Variants in FREM1 observed in about 807,000 individuals in gnomAD.
FREM1 encodes the protein FRAS1 related extracellular matrix 1.
Under a neutral mutation model 210.1 loss-of-function variants are expected in FREM1, and 220 were observed. That is an observed-to-expected ratio of 1.05 (90% confidence interval 0.94 to 1.17). The LOEUF (loss-of-function observed/expected upper bound fraction) is 1.17, where lower values mean the gene tolerates loss of function less well. Ranked by LOEUF, FREM1 falls within the 50% of genes most tolerant of loss-of-function variation. FREM1 has a pLI of 0.00. For synonymous variants in FREM1, 1,189 were observed against 980.2 expected, an observed-to-expected ratio of 1.21 and a Z score of -3.98; for missense variants, 3,454 against 2,675.5, an observed-to-expected ratio of 1.29 and a Z score of -6.42.
At chr9:14,795,548 C>G (rs17311321) in intron 21 of FREM1, among the ~76,000 whole-genome samples, 12 of 152,174 alleles carry the variant, frequency 7.9e-5, no homozygotes, top group African/African-American at 2.9e-4. Context: ...TACTTCCTAT[C>G]CACAGGAGAG....
At chr9:14,895,792 C>A (rs1837610446) in intron 1 of FREM1, among the ~76,000 whole-genome samples, 1 of 151,950 alleles carries the variant, frequency 6.6e-6, no homozygotes, top group African/African-American at 2.4e-5. Flanking sequence ...CTCCTCTCTA[C>A]CCAAATACAA....
At chr9:14,861,371 G>A (rs10961759) in intron 3 of FREM1, among the ~76,000 whole-genome samples, 19,507 of 64,384 alleles carry the variant, frequency 0.3, 4,453 homozygotes, top group East Asian at 0.66. Flanking sequence ...ATATATACAC[G>A]TATATACATA....
At chr9:14,796,866 T>C (rs760782910) in intron 21 of FREM1, among the ~76,000 whole-genome samples, 12 of 152,212 alleles carry the variant, frequency 7.9e-5, no homozygotes, top group Non-Finnish European at 1.3e-4. Flanking sequence ...GTCTTGGGTA[T>C]GTCCTTATAG....
intron 22 of FREM1, among the ~76,000 whole-genome samples, chr9:14,791,923 C>T (rs554986564): frequency 3.3e-5 from 5 of 152,058 alleles, no homozygotes; most frequent in African/African-American, 7.2e-5. Context: ...ACCTCTCCCC[C>T]CTCTCCCGGG....
intron 5 of FREM1, among the ~76,000 whole-genome samples, chr9:14,853,355 A>T (rs1295681560): frequency 6.6e-6 from 1 of 152,188 alleles, no homozygotes; most frequent in Non-Finnish European, 1.5e-5. Context: ...TCTTGAGAGG[A>T]CAAAAATCCA....
At chr9:14,874,161 G>C (rs568656975) in intron 1 of FREM1, among the ~76,000 whole-genome samples, 3 of 152,074 alleles carry the variant, frequency 2.0e-5, no homozygotes, top group Admixed American at 6.6e-5. Context: ...TGGGGTGGAG[G>C]GTTCTGCAGA....
chr9:14,901,698 C>T (rs1838813467), intron 1 of FREM1, among the ~76,000 whole-genome samples: 1 of 152,136 alleles, frequency 6.6e-6, no homozygotes, highest in African/African-American at 2.4e-5. Flanking sequence ...TAAAGATAAA[C>T]ACTTTAACGA....
intron 35 of FREM1, among the ~76,000 whole-genome samples, chr9:14,744,423 A>C (rs1052006792): frequency 6.6e-6 from 1 of 152,114 alleles, no homozygotes; most frequent in South Asian, 2.1e-4. Context: ...ATCTTACCAA[A>C]GATAACAATT....
At chr9:14,807,196 A>T (rs12347233) in intron 17 of FREM1, among the ~76,000 whole-genome samples, 2 of 152,154 alleles carry the variant, frequency 1.3e-5, no homozygotes, top group Non-Finnish European at 2.9e-5. Flanking sequence ...AATGAAAGTA[A>T]GAATTGCCCA....
At chr9:14,784,680 CA>C in intron 23 of FREM1, 46 bp from the exon 24 acceptor site, 1 of 1,406,298 alleles carries the variant, frequency 7.1e-7, no homozygotes, top group Non-Finnish European at 9.4e-7. Flanking sequence ...TCAAAAAACA[CA>C]TTATGTCCAA....
At chr9:14,817,239 G>A (rs1292213376) in intron 14 of FREM1, among the ~76,000 whole-genome samples, 2 of 152,196 alleles carry the variant, frequency 1.3e-5, no homozygotes, top group Non-Finnish European at 2.9e-5. Context: ...ATGAGGAAAA[G>A]TGGGACACTG....
chr9:14,872,428 C>A (rs1040360482), intron 1 of FREM1, among the ~76,000 whole-genome samples: 2 of 152,190 alleles, frequency 1.3e-5, no homozygotes, highest in Admixed American at 1.3e-4. Context: ...CTCTTTGAAG[C>A]AACTGTGAAT....
intron 20 of FREM1, among the ~76,000 whole-genome samples, chr9:14,797,904 T>C (rs564901594): frequency 2.3e-4 from 35 of 152,300 alleles, no homozygotes; most frequent in Non-Finnish European, 3.2e-4. Context: ...AAATAAACTA[T>C]ATAAACAAAG....
intron 36 of FREM1, among the ~76,000 whole-genome samples, chr9:14,739,696 T>A (rs913679730): frequency 3.3e-5 from 5 of 151,582 alleles, no homozygotes; most frequent in African/African-American, 1.2e-4. Context: ...CTTTACATTT[T>A]ATATGTAATA....
chr9:14,740,462 A>G, intron 35 of FREM1, among the ~76,000 whole-genome samples: 1 of 152,232 alleles, frequency 6.6e-6, no homozygotes, highest in East Asian at 1.9e-4. Flanking sequence ...GCTTTACAGC[A>G]AAAAACATCG....
chr9:14,816,766 CT>C lies in FREM1; in HGVS notation c.2640+11del. 7.4e-7 allele frequency: 1 copy of C among 1,355,610 alleles called. No individual in the cohort carries two copies. The allele number at this position is 1,355,610 out of a possible 1,614,324, so 84.0% of individuals were successfully genotyped here. ...CTAAGACAATAACCCAGGGAAGAAACTTTCTACCCACCTCAACATGTAGTAC... is the reference window on the plus strand; with the variant it reads ...CTAAGACAATAACCCAGGGAAGAAACTTCTACCCACCTCAACATGTAGTAC... On this transcript the variant is annotated intron_variant, in intron 15 of 36. Coordinates refer to ENST00000380880, the MANE Select transcript of FREM1 (RefSeq NM_001379081.2).
At chr9:14,739,449 A>AATAT (rs56320339) in intron 36 of FREM1, among the ~76,000 whole-genome samples, 171 of 132,362 alleles carry the variant, frequency 1.3e-3, no homozygotes, top group Middle Eastern at 4.0e-3. Context: ...AATTATTTGG[A>AATAT]ATATATATAT....
At chr9:14,766,080 C>T (rs928788274) in intron 27 of FREM1, among the ~76,000 whole-genome samples, 5 of 152,066 alleles carry the variant, frequency 3.3e-5, no homozygotes, top group East Asian at 1.9e-4. Flanking sequence ...CAATAAGATG[C>T]GCACTCACTT....
chr9:14,893,769 T>C (rs936715999), intron 1 of FREM1, among the ~76,000 whole-genome samples: 3 of 152,158 alleles, frequency 2.0e-5, no homozygotes, highest in African/African-American at 7.2e-5. Context: ...TTTTTTTGCC[T>C]AGATTAAAAG....
Sources: gnomAD v4.1 joint callset for allele counts (sites outside exome capture counted in the v4.1 genomes callset) on GRCh38, gnomAD v4.1.1 for gene constraint, MANE v1.5 for transcripts, NCBI Gene and HGNC (gene_info 2026-07-23, HGNC 2026-07-21) for gene names.